The following RAD51B variants were observed in gnomAD, a reference collection of about 807,000 sequenced individuals.
The protein encoded by RAD51B is RAD51 paralog B, also known as DNA repair protein RAD51 homolog 2.
In RAD51B, 38 loss-of-function variants were observed where a neutral mutation model predicts 42.2. The ratio of observed to expected loss-of-function variants is 0.90; its 90% CI spans 0.70 to 1.18. The LOEUF (loss-of-function observed/expected upper bound fraction) is 1.18, where lower values mean the gene tolerates loss of function less well. Among genes scored for constraint, RAD51B ranks in the 50% most tolerant of loss-of-function variants. The probability of loss-of-function intolerance (pLI) is 0.00; values close to 1 mark genes in which losing one functional copy is unlikely to be tolerated. For synonymous variants in RAD51B, 154 were observed against 145.2 expected (o/e 1.06, Z -0.43); for missense variants, 373 against 400.7 (o/e 0.93, Z 0.59).
intron 7 of RAD51B, among the ~76,000 whole-genome samples, chr14:67,924,236 C>T (rs191562840): frequency 1.2e-3 from 186 of 152,170 alleles, no homozygotes; most frequent in Non-Finnish European, 2.2e-3. Context: ...AGTTTAATTA[C>T]GTCCCATCTA....
intron 7 of RAD51B, among the ~76,000 whole-genome samples, chr14:68,136,404 C>T (rs61985061): frequency 0.015 from 347 of 22,692 alleles, 68 homozygotes; most frequent in East Asian, 0.045. Context: ...ATGGTGAAAC[C>T]CCATCTCTAC....
At position 68,171,382 on chromosome 14, in the gene RAD51B, C is replaced by T. The variant is rs184570244; in HGVS notation, c.757-120502C>T. Among the ~76,000 whole-genome samples the T allele has an allele frequency of 5.0e-3, 760 of 152,144 alleles. 4 individuals carry two copies. The highest frequency in any genetic ancestry group is 0.018 in the African/African-American group (731 of 41,492). The stretch of plus-strand genomic sequence containing the variant: ...GGCAGCAATCTCAGCTCACTGCAAC[C>T]TCTGCCTCCCGGGTTCAAGTGATTC... On this transcript the variant is annotated intron_variant, in intron 7 of 10. Coordinates refer to ENST00000471583, the MANE Select transcript of RAD51B (RefSeq NM_133510.4).
At chr14:68,258,407 C>A (rs1017598217) in intron 7 of RAD51B, among the ~76,000 whole-genome samples, 19 of 146,920 alleles carry the variant, frequency 1.3e-4, no homozygotes, top group Non-Finnish European at 2.9e-4. Context: ...TACACACACA[C>A]CACACACACA....
intron 10 of RAD51B, among the ~76,000 whole-genome samples, chr14:68,553,671 A>G (rs1468650254): frequency 1.5e-5 from 2 of 130,036 alleles, no homozygotes; most frequent in Non-Finnish European, 3.1e-5. Flanking sequence ...ACAGATGTGC[A>G]GCTCTCTCCA....
intron 7 of RAD51B, among the ~76,000 whole-genome samples, chr14:68,155,661 T>C (rs1207730917): frequency 2.0e-5 from 3 of 152,176 alleles, no homozygotes; most frequent in Admixed American, 6.5e-5. Context: ...AGTCAATAAA[T>C]GGTTGCAAAA....
intron 7 of RAD51B, among the ~76,000 whole-genome samples, chr14:68,229,588 T>C (rs965877534): frequency 1.1e-4 from 16 of 152,192 alleles, no homozygotes; most frequent in Admixed American, 6.5e-4. Flanking sequence ...AAAATCTGGA[T>C]TGATCTACTT....
At chr14:68,279,594 A>G (rs1301847096) in intron 7 of RAD51B, among the ~76,000 whole-genome samples, 1 of 152,232 alleles carries the variant, frequency 6.6e-6, no homozygotes, top group Admixed American at 6.5e-5. Context: ...AGTCTTTAAC[A>G]TAAGGCCAGG....
At chr14:68,149,229 T>A (rs958645744) in intron 7 of RAD51B, among the ~76,000 whole-genome samples, 3 of 152,200 alleles carry the variant, frequency 2.0e-5, no homozygotes, top group Admixed American at 1.3e-4. Context: ...CATCAATTTT[T>A]TTTTCATGGA....
At chr14:68,678,199 T>A (rs180694926) in intron 11 of RAD51B, among the ~76,000 whole-genome samples, 2 of 152,298 alleles carry the variant, frequency 1.3e-5, no homozygotes, top group East Asian at 3.9e-4. Context: ...CACCACCTCG[T>A]TCAGTCCATG....
intron 7 of RAD51B, among the ~76,000 whole-genome samples, chr14:68,019,766 T>G (rs188184259): frequency 1.3e-5 from 2 of 152,242 alleles, no homozygotes; most frequent in Admixed American, 6.5e-5. Flanking sequence ...AAAAGAGACA[T>G]CTATCTTATT....
intron 5 of RAD51B, among the ~76,000 whole-genome samples, chr14:67,877,946 T>C (rs1212417865): frequency 1.3e-5 from 2 of 152,212 alleles, no homozygotes; most frequent in Non-Finnish European, 2.9e-5. Context: ...ATTCCAAGCA[T>C]AAGCCGCCAT....
At chr14:68,648,661 G>A (rs1179578934) in intron 10 of RAD51B, among the ~76,000 whole-genome samples, 1 of 111,890 alleles carries the variant, frequency 8.9e-6, no homozygotes, top group Non-Finnish European at 1.8e-5. Context: ...CTCAATAATG[G>A]TAAAAGCACA....
At chr14:68,652,221 G>A (rs1010159503) in intron 11 of RAD51B, among the ~76,000 whole-genome samples, 72 of 152,270 alleles carry the variant, frequency 4.7e-4, no homozygotes, top group Admixed American at 3.3e-4. Flanking sequence ...AATATAGCCC[G>A]CAGTCTGCGC....
intron 10 of RAD51B, among the ~76,000 whole-genome samples, chr14:68,630,349 G>A (rs184566111): frequency 7.9e-5 from 12 of 152,026 alleles, no homozygotes; most frequent in African/African-American, 2.2e-4. Flanking sequence ...CTCTGTAGAT[G>A]ACAGCAGCCC....
intron 7 of RAD51B, among the ~76,000 whole-genome samples, chr14:68,087,989 A>G (rs868169489): frequency 1.0e-4 from 13 of 126,598 alleles, no homozygotes; most frequent in African/African-American, 3.8e-4. Flanking sequence ...ATTATATAAT[A>G]TATTATTATA....
intron 10 of RAD51B, among the ~76,000 whole-genome samples, chr14:68,588,084 G>A (rs1168969047): frequency 6.6e-6 from 1 of 152,190 alleles, no homozygotes; most frequent in Non-Finnish European, 1.5e-5. Context: ...CAAGCTTGAG[G>A]CAGAGTGGAG....
intron 8 of RAD51B, among the ~76,000 whole-genome samples, chr14:68,349,118 C>T (rs1274702440): frequency 6.6e-6 from 1 of 152,066 alleles, no homozygotes; most frequent in African/African-American, 2.4e-5. Context: ...ATAATTTCTA[C>T]ATGTCACAAA....
intron 7 of RAD51B, among the ~76,000 whole-genome samples, chr14:68,057,937 A>G (rs1218753225): frequency 2.0e-5 from 3 of 151,790 alleles, no homozygotes; most frequent in Non-Finnish European, 4.4e-5. Context: ...CGTTCTTATC[A>G]AATTAAGTTG....
At chr14:68,355,627 A>G (rs2082884226) in intron 8 of RAD51B, among the ~76,000 whole-genome samples, 1 of 152,218 alleles carries the variant, frequency 6.6e-6, no homozygotes, top group South Asian at 2.1e-4. Context: ...TTTCTACCAA[A>G]GTGAAAATAG....
Sources: allele counts gnomAD v4.1 joint callset (sites outside exome capture counted in the v4.1 genomes callset), GRCh38; gene constraint gnomAD v4.1.1; transcripts MANE v1.5; gene names NCBI Gene and HGNC (gene_info 2026-07-23, HGNC 2026-07-21).